CD82: variants seen among roughly 807,000 people sequenced by gnomAD.
CD82 encodes the protein CD82 molecule.
A neutral mutation model predicts 37.4 loss-of-function variants in CD82; 36 were observed. The observed-to-expected ratio is 0.96, with a 90% CI of 0.74 to 1.27. The LOEUF is 1.27. CD82 is among the 50% of genes most tolerant of loss of function. The pLI, the probability that CD82 is intolerant of heterozygous loss-of-function variation, is 0.00. For missense variants in CD82, 340 were observed against 347.0 expected (o/e 0.98, Z 0.16); for synonymous variants, 158 against 137.4 (o/e 1.15, Z -1.05).
intron 1 of CD82, among the ~76,000 whole-genome samples, chr11:44,576,348 C>T (rs1852891186): frequency 6.6e-6 from 1 of 152,152 alleles, no homozygotes; most frequent in Admixed American, 6.6e-5. Context: ...AACATCAGGT[C>T]CCATTGTACA....
chr11:44,571,032 C>G (rs1852806925), intron 1 of CD82, among the ~76,000 whole-genome samples: 1 of 152,164 alleles, frequency 6.6e-6, no homozygotes, highest in South Asian at 2.1e-4. Context: ...CGCCCCACCC[C>G]GCAACTTGAC....
intron 1 of CD82, among the ~76,000 whole-genome samples, chr11:44,573,402 A>T (rs1239237999): frequency 6.6e-6 from 1 of 152,204 alleles, no homozygotes; most frequent in African/African-American, 2.4e-5. Flanking sequence ...GAGGAAATAG[A>T]AACTTGGCAG....
intron 6 of CD82, chr11:44,606,530 CT>C (rs1274441356): frequency 6.6e-6 from 1 of 152,620 alleles, no homozygotes; most frequent in Non-Finnish European, 1.5e-5. Context: ...AAAGCCACCC[CT>C]GGTTGCAAAA....
intron 4 of CD82, among the ~76,000 whole-genome samples, chr11:44,601,435 C>T (rs1473441344): frequency 1.3e-5 from 2 of 152,122 alleles, no homozygotes; most frequent in Admixed American, 6.5e-5. Context: ...GCTACCCGTG[C>T]CCCCCACATT....
At chr11:44,586,536 G>A (rs1853057605) in intron 1 of CD82, among the ~76,000 whole-genome samples, 1 of 152,174 alleles carries the variant, frequency 6.6e-6, no homozygotes, top group Non-Finnish European at 1.5e-5. Context: ...TGTACCTGTG[G>A]TCCCAACTCT....
intron 9 of CD82, 99 bp downstream of exon 9, chr11:44,618,822 C>T: frequency 9.4e-7 from 1 of 1,065,172 alleles, no homozygotes; most frequent in South Asian, 1.4e-5. Context: ...AGGGGGCCAG[C>T]ACCCCATCAG....
At chr11:44,578,856 G>A (rs1348479085) in intron 1 of CD82, among the ~76,000 whole-genome samples, 1 of 152,186 alleles carries the variant, frequency 6.6e-6, no homozygotes, top group Non-Finnish European at 1.5e-5. Context: ...CTGAGGTTTG[G>A]GAAAGGGGAG....
chr11:44,584,532 C>T (rs1005388016), intron 1 of CD82, among the ~76,000 whole-genome samples: 2 of 152,162 alleles, frequency 1.3e-5, no homozygotes, highest in African/African-American at 4.8e-5. Flanking sequence ...AGGTGATCTG[C>T]CCGCCTCGGC....
intron 6 of CD82, among the ~76,000 whole-genome samples, chr11:44,611,131 A>G (rs558922517): frequency 6.6e-6 from 1 of 152,288 alleles, no homozygotes; most frequent in South Asian, 2.1e-4. Flanking sequence ...CACCACGCCC[A>G]GCTGAAATTC....
At chr11:44,600,064 G>T (rs1311752364) in intron 3 of CD82, 94 bp from the exon 4 acceptor site, 3 of 1,285,834 alleles carry the variant, frequency 2.3e-6, no homozygotes, top group Non-Finnish European at 3.4e-6. Context: ...GTGGCCCCCT[G>T]CCCTGCCCAC....
chr11:44,613,340 G>A (rs565553993), intron 6 of CD82, among the ~76,000 whole-genome samples: 19 of 152,332 alleles, frequency 1.2e-4, no homozygotes, highest in African/African-American at 3.6e-4. Flanking sequence ...GCTTATCGCC[G>A]AGGGAGGCCC....
intron 2 of CD82, among the ~76,000 whole-genome samples, chr11:44,588,332 C>T (rs1853090724): frequency 6.6e-6 from 1 of 151,866 alleles, no homozygotes; most frequent in Admixed American, 6.6e-5. Flanking sequence ...CAAGCAATTC[C>T]TCTTCCTCAG....
intron 1 of CD82, among the ~76,000 whole-genome samples, chr11:44,582,559 T>G (rs1020098698): frequency 6.6e-6 from 1 of 152,212 alleles, no homozygotes; most frequent in Non-Finnish European, 1.5e-5. Context: ...AGAGGTCATG[T>G]GGATACTGAG....
At chr11:44,583,502 C>T (rs1010393494) in intron 1 of CD82, among the ~76,000 whole-genome samples, 2 of 152,186 alleles carry the variant, frequency 1.3e-5, no homozygotes, top group African/African-American at 4.8e-5. Flanking sequence ...AGCTGAGAGT[C>T]AGGCCTCAGG....
intron 1 of CD82, among the ~76,000 whole-genome samples, chr11:44,578,387 C>T (rs540291462): frequency 6.6e-6 from 1 of 152,168 alleles, no homozygotes. Context: ...GGTGTTGCCA[C>T]ATGTCCCATG....
chr11:44,578,512 G>A (rs763360804), intron 1 of CD82, among the ~76,000 whole-genome samples: 4 of 152,134 alleles, frequency 2.6e-5, no homozygotes, highest in African/African-American at 4.8e-5. Flanking sequence ...GCCTTCTCAC[G>A]GCAATAATGA....
Position 44,568,776 on chromosome 11 carries a change from G to A in CD82, c.-103+3040G>A, listed in dbSNP as rs564562395. Among the ~76,000 whole-genome samples the A allele has an allele frequency of 3.5e-3, 529 of 152,280 alleles. 4 individuals carry two copies. The highest frequency in any genetic ancestry group is 0.012 in the African/African-American group (510 of 41,556). On this transcript the variant is annotated intron_variant, in intron 1 of 9. Transcript: ENST00000227155. ...AGCCACAGCCTGGAAGCTCCCACCG[G>A]CCATCCCCTTCCACCCTGGGGACCC...
chr11:44,577,718 C>A (rs1261535173), intron 1 of CD82, among the ~76,000 whole-genome samples: 1 of 152,164 alleles, frequency 6.6e-6, no homozygotes, highest in Admixed American at 6.5e-5. Flanking sequence ...AGATAAAGTG[C>A]AAAACATCTA....
chr11:44,594,766 T>C (rs1376940573), intron 3 of CD82, 41 bp downstream of exon 3: 7 of 1,546,182 alleles, frequency 4.5e-6, no homozygotes, highest in Non-Finnish European at 6.3e-6. Flanking sequence ...TCCGAAAAGA[T>C]TCTCCTTCCA....
Sources: gnomAD v4.1 joint callset for allele counts (sites outside exome capture counted in the v4.1 genomes callset) on GRCh38, gnomAD v4.1.1 for gene constraint, MANE v1.5 for transcripts, NCBI Gene and HGNC (gene_info 2026-07-23, HGNC 2026-07-21) for gene names.